The following TSHR variants were observed in gnomAD, a reference collection of about 807,000 sequenced individuals.
TSHR encodes the protein thyroid stimulating hormone receptor.
A neutral mutation model predicts 64.1 loss-of-function variants in TSHR; 51 were observed. That is an observed-to-expected ratio of 0.80 (90% CI 0.64 to 1.01). TSHR has a LOEUF of 1.01. TSHR is among the 50% of genes least tolerant of loss of function. The pLI, the probability that TSHR is intolerant of heterozygous loss-of-function variation, is 0.00. For synonymous variants in TSHR, 361 were observed against 361.9 expected, an observed-to-expected ratio of 1.00 and a Z score of 0.03; for missense variants, 877 against 942.8, an observed-to-expected ratio of 0.93 and a Z score of 0.91.
chr14:81,124,938 C>G (rs1380046532), intron 8 of TSHR, among the ~76,000 whole-genome samples: 1 of 151,922 alleles, frequency 6.6e-6, no homozygotes, highest in Non-Finnish European at 1.5e-5. Flanking sequence ...AAATTTTGGT[C>G]CTGGCCACCA....
chr14:81,093,087 G>A (rs2241120), intron 6 of TSHR, among the ~76,000 whole-genome samples: 38,976 of 152,032 alleles, frequency 0.26, 7,450 homozygotes, highest in African/African-American at 0.54. Flanking sequence ...TAAGCAAATT[G>A]AAGTGACTTA....
intron 1 of TSHR, among the ~76,000 whole-genome samples, chr14:80,997,572 C>T (rs560896142): frequency 1.8e-4 from 27 of 152,210 alleles, no homozygotes; most frequent in African/African-American, 6.5e-4. Context: ...AGCTCTTTTA[C>T]CCTAAAATGA....
At chr14:81,032,714 T>A in intron 1 of TSHR, 1 of 432,522 alleles carries the variant, frequency 2.3e-6, no homozygotes. Context: ...GACTCATGCC[T>A]GCCCATCACC....
intron 1 of TSHR, among the ~76,000 whole-genome samples, chr14:80,984,901 C>T (rs1888359064): frequency 6.6e-6 from 1 of 152,160 alleles, no homozygotes; most frequent in Non-Finnish European, 1.5e-5. Flanking sequence ...TGTACTTTAT[C>T]TTCCCCAAAG....
chr14:81,098,757 T>C (rs1889378838), intron 7 of TSHR, among the ~76,000 whole-genome samples: 1 of 152,224 alleles, frequency 6.6e-6, no homozygotes, highest in East Asian at 1.9e-4. Flanking sequence ...GCTGTTAATA[T>C]GGCTCCTGAA....
At chr14:81,091,038 G>T in intron 4 of TSHR, 31 bp from the exon 5 acceptor site, 1 of 1,573,526 alleles carries the variant, frequency 6.4e-7, no homozygotes, top group East Asian at 2.2e-5. Context: ...TAAATTCTAT[G>T]CTTTTTTTTC....
intron 1 of TSHR, chr14:80,993,149 A>G (rs989605933): frequency 6.6e-6 from 1 of 152,194 alleles, no homozygotes; most frequent in Non-Finnish European, 1.5e-5. Flanking sequence ...CAGTAGGCAA[A>G]ACTTAGACCA....
At chr14:81,068,567 G>T in intron 3 of TSHR, 1 of 489,214 alleles carries the variant, frequency 2.0e-6, no homozygotes, top group Non-Finnish European at 3.8e-6. Flanking sequence ...ACCACTATCT[G>T]TTCTATTACT....
At chr14:81,040,432 C>T (rs533540700) in intron 1 of TSHR, among the ~76,000 whole-genome samples, 5 of 152,060 alleles carry the variant, frequency 3.3e-5, no homozygotes, top group Admixed American at 2.6e-4. Context: ...ATCTGAAAAG[C>T]ATAGGCAACA....
chr14:81,033,687 C>T (rs540011818), intron 1 of TSHR, among the ~76,000 whole-genome samples: 1 of 148,814 alleles, frequency 6.7e-6, no homozygotes, highest in East Asian at 2.0e-4. Context: ...ACACAAAAAC[C>T]AGAAGAATTT....
At chr14:81,097,663 T>A (rs1320760661) in intron 7 of TSHR, among the ~76,000 whole-genome samples, 1 of 152,176 alleles carries the variant, frequency 6.6e-6, no homozygotes, top group Non-Finnish European at 1.5e-5. Flanking sequence ...GTAGATTATG[T>A]GATTTTGGTT....
intron 7 of TSHR, among the ~76,000 whole-genome samples, chr14:81,099,090 T>C (rs1045194704): frequency 6.6e-6 from 1 of 152,200 alleles, no homozygotes; most frequent in East Asian, 1.9e-4. Flanking sequence ...CACTAATGCC[T>C]AGGTTTTGCC....
chr14:81,058,265 A>C (rs1249152646), intron 1 of TSHR, among the ~76,000 whole-genome samples: 1 of 152,258 alleles, frequency 6.6e-6, no homozygotes, highest in African/African-American at 2.4e-5. Flanking sequence ...TTTGACAGAT[A>C]TAAATCTTGC....
intron 1 of TSHR, among the ~76,000 whole-genome samples, chr14:81,024,563 T>C (rs1391155360): frequency 2.0e-5 from 3 of 152,164 alleles, no homozygotes; most frequent in Non-Finnish European, 4.4e-5. Flanking sequence ...GCCTTTCTTA[T>C]AGCAATTCTG....
chr14:81,038,960 T>C (rs1036842658), intron 1 of TSHR, among the ~76,000 whole-genome samples: 2 of 151,678 alleles, frequency 1.3e-5, no homozygotes, highest in Non-Finnish European at 2.9e-5. Context: ...TTCTACTGAA[T>C]ATTTAAAGAA....
At chr14:81,038,574 A>T (rs935049700) in intron 1 of TSHR, among the ~76,000 whole-genome samples, 1 of 151,250 alleles carries the variant, frequency 6.6e-6, no homozygotes, top group Non-Finnish European at 1.5e-5. Context: ...GATAAACTAA[A>T]TTGACAAACC....
chr14:81,143,047 T>C lies in TSHR; in HGVS notation c.989T>C (p.Leu330Pro). ...SPLHQEYEEN[L>P]GDSIVGYKEK... ...CTCCACCAGGAATATGAAGAGAATC[T>C]GGGTGACAGCATTGTTGGGTACAAG... Residue 330 changes from leucine (L) to proline (P), a missense_variant, in exon 10 of 10, where the codon CTG becomes CCG. Coordinates refer to ENST00000298171, the MANE Select transcript of TSHR (RefSeq NM_000369.5). The C allele has an allele frequency of 6.2e-7, 1 of 1,614,184 alleles. No homozygotes were observed. The highest frequency in any genetic ancestry group is 8.5e-7 in the Non-Finnish European group (1 of 1,180,038).
intron 1 of TSHR, chr14:80,982,646 A>G: frequency 9.1e-7 from 1 of 1,095,124 alleles, no homozygotes. Flanking sequence ...TGAGGTAACT[A>G]TCTGGCCCAA....
intron 1 of TSHR, among the ~76,000 whole-genome samples, chr14:81,047,020 C>T (rs993630859): frequency 2.0e-5 from 3 of 152,018 alleles, no homozygotes; most frequent in African/African-American, 2.4e-5. Flanking sequence ...AAAAGTTGAG[C>T]GAAGTCATTT....
Sources: allele counts gnomAD v4.1 joint callset (sites outside exome capture counted in the v4.1 genomes callset), GRCh38; gene constraint gnomAD v4.1.1; transcripts MANE v1.5; gene names NCBI Gene and HGNC (gene_info 2026-07-23, HGNC 2026-07-21).